The following PCDH7 variants were observed in gnomAD, a reference collection of about 807,000 sequenced individuals.
PCDH7 encodes the protein protocadherin 7.
Under a neutral mutation model 58.9 loss-of-function variants are expected in PCDH7, and 17 were observed. That is an observed-to-expected ratio of 0.29 (90% CI 0.20 to 0.43). The LOEUF is 0.43. Ranked by LOEUF, PCDH7 falls within the 20% of genes least tolerant of loss-of-function variation. PCDH7 has a pLI of 1.00. For synonymous variants in PCDH7, 664 were observed against 616.4 expected (o/e 1.08, Z -1.14); for missense variants, 1,274 against 1,441.0 (o/e 0.88, Z 1.88).
chr4:30,815,846 T>C (rs1416385319), intron 1 of PCDH7, among the ~76,000 whole-genome samples: 1 of 152,176 alleles, frequency 6.6e-6, no homozygotes, highest in African/African-American at 2.4e-5. Flanking sequence ...GAGAGACAGT[T>C]TAACAACTGC....
exon 2 of PCDH7, chr4:30,920,328 C>T (rs752463059): frequency 2.1e-5 from 29 of 1,367,364 alleles, no homozygotes; most frequent in Admixed American, 9.5e-5. Context: ...GAAAGGACCA[C>T]GCCGGATGGC....
intron 3 of PCDH7, among the ~76,000 whole-genome samples, chr4:30,956,008 C>T (rs1244522563): frequency 6.6e-6 from 1 of 150,774 alleles, no homozygotes; most frequent in Non-Finnish European, 1.5e-5. Flanking sequence ...CACGGTGAAA[C>T]CCTGTCTCTA....
At chr4:31,116,367 G>A (rs1350463035) in intron 3 of PCDH7, among the ~76,000 whole-genome samples, 3 of 152,208 alleles carry the variant, frequency 2.0e-5, no homozygotes, top group East Asian at 3.9e-4. Context: ...ACCAAAATGA[G>A]CATGTGTTTC....
rs182530983 is a variant in PCDH7 at position 31,010,999 on chromosome 4, A to G, written c.*7+60784A>G. Among the ~76,000 whole-genome samples, 36 of 152,072 alleles carry G rather than the reference A, an allele frequency of 2.4e-4. 1 individual carries two copies. The South Asian group carries it at 6.4e-3, about 27-fold the overall frequency. ...AATCTGTTGAAATATTTTTTCCCCT[A>G]TATCACAATAGCAGACTTCTTTCTT... On this transcript the variant is annotated intron_variant, in intron 3 of 3. Transcript: ENST00000509759.
chr4:31,045,311 A>C (rs1756192085), intron 3 of PCDH7, among the ~76,000 whole-genome samples: 1 of 151,402 alleles, frequency 6.6e-6, no homozygotes, highest in Non-Finnish European at 1.5e-5. Flanking sequence ...TTGTATTTCG[A>C]TTGCAAACCT....
chr4:30,998,270 A>G (rs1160186228), intron 3 of PCDH7, among the ~76,000 whole-genome samples: 3 of 152,152 alleles, frequency 2.0e-5, no homozygotes, highest in Admixed American at 2.0e-4. Flanking sequence ...TAAGGTGATC[A>G]TCTTGATCTC....
chr4:31,052,337 C>T (rs575342532), intron 3 of PCDH7, among the ~76,000 whole-genome samples: 1 of 152,162 alleles, frequency 6.6e-6, no homozygotes, highest in Non-Finnish European at 1.5e-5. Flanking sequence ...TCATCCACAC[C>T]ACTGAACATT....
chr4:30,931,216 G>A (rs1744537202), intron 2 of PCDH7, among the ~76,000 whole-genome samples: 1 of 152,048 alleles, frequency 6.6e-6, no homozygotes, highest in Admixed American at 6.5e-5. Context: ...GGCTACCGTT[G>A]CATGATACTT....
At chr4:30,751,860 G>C (rs115340125) in intron 1 of PCDH7, among the ~76,000 whole-genome samples, 134 of 152,058 alleles carry the variant, frequency 8.8e-4, no homozygotes, top group African/African-American at 3.2e-3. Flanking sequence ...CAAATATTTT[G>C]AGAATGAAAG....
intron 3 of PCDH7, among the ~76,000 whole-genome samples, chr4:31,027,079 G>C (rs1754497017): frequency 6.6e-6 from 1 of 152,134 alleles, no homozygotes; most frequent in African/African-American, 2.4e-5. Context: ...TTTCGTTCAT[G>C]ATTTGCCATA....
intron 1 of PCDH7, among the ~76,000 whole-genome samples, chr4:30,755,593 T>G (rs1394776443): frequency 6.6e-6 from 1 of 152,164 alleles, no homozygotes; most frequent in Non-Finnish European, 1.5e-5. Context: ...CCTGTAGTTA[T>G]CATAACAAGC....
intron 3 of PCDH7, among the ~76,000 whole-genome samples, chr4:30,992,793 C>CTTTTTT (rs577504420): frequency 3.1e-4 from 30 of 95,664 alleles, no homozygotes; most frequent in African/African-American, 6.3e-4. Flanking sequence ...CTGTCCCATT[C>CTTTTTT]TTTTTTTTTT....
chr4:30,881,841 C>T (rs1338162537), intron 1 of PCDH7, among the ~76,000 whole-genome samples: 1 of 152,156 alleles, frequency 6.6e-6, no homozygotes, highest in East Asian at 1.9e-4. Flanking sequence ...GTTTGGAGTT[C>T]TGTGCCTATT....
chr4:30,908,161 T>G lies in PCDH7; in HGVS notation c.71-11992T>G, dbSNP rs190720241. ...AATACCTAAATTACGAGTTGATGGG[T>G]GCAGCAAACCAGCATGGCACATGTA... is the stretch of plus-strand genomic sequence containing the variant. On this transcript the variant is annotated intron_variant, in intron 1 of 3. Coordinates refer to the PCDH7 transcript ENST00000509759. Among the ~76,000 whole-genome samples, 995 of 150,762 alleles carry G rather than the reference T, an allele frequency of 6.6e-3. 6 individuals are homozygous for G. The highest frequency in any genetic ancestry group is 0.023 in the African/African-American group (948 of 40,994).
At chr4:31,009,102 T>C (rs1752990469) in intron 3 of PCDH7, among the ~76,000 whole-genome samples, 1 of 152,072 alleles carries the variant, frequency 6.6e-6, no homozygotes, top group Non-Finnish European at 1.5e-5. Flanking sequence ...GAATCCAATT[T>C]TCTATAACAC....
chr4:30,867,735 A>G (rs575509704), intron 1 of PCDH7, among the ~76,000 whole-genome samples: 3 of 152,130 alleles, frequency 2.0e-5, no homozygotes, highest in African/African-American at 7.2e-5. Context: ...GAATATGTCT[A>G]TTTGTCCCTG....
intron 3 of PCDH7, among the ~76,000 whole-genome samples, chr4:31,139,573 TAA>T (rs1720008667): frequency 6.6e-6 from 1 of 152,238 alleles, no homozygotes; most frequent in African/African-American, 2.4e-5. Context: ...AGATCCTGCA[TAA>T]ATTTTGTGTT....
intron 3 of PCDH7, among the ~76,000 whole-genome samples, chr4:31,083,833 G>A (rs1448666284): frequency 6.6e-6 from 1 of 152,174 alleles, no homozygotes; most frequent in Non-Finnish European, 1.5e-5. Flanking sequence ...AATTACTGCA[G>A]CATATTTTAC....
chr4:30,878,643 G>A (rs1736584267), intron 1 of PCDH7, among the ~76,000 whole-genome samples: 1 of 152,098 alleles, frequency 6.6e-6, no homozygotes, highest in Admixed American at 6.6e-5. Context: ...GAGGTCAGGA[G>A]TTCAAGACCA....
Sources: gnomAD v4.1 joint callset for allele counts (sites outside exome capture counted in the v4.1 genomes callset) on GRCh38, gnomAD v4.1.1 for gene constraint, MANE v1.5 for transcripts, NCBI Gene and HGNC (gene_info 2026-07-23, HGNC 2026-07-21) for gene names.